The following BLTP3B variants were observed in gnomAD, a reference collection of about 807,000 sequenced individuals.
The protein encoded by BLTP3B is UHRF1 (ICBP90) binding protein 1-like.
chr12:100,138,426 A>C, the BLTP3B span, among the ~76,000 whole-genome samples: 352 of 152,346 alleles, frequency 2.3e-3, 8 homozygotes, highest in East Asian at 0.04. Context: ...TCAATCTCGG[A>C]ACTACTGACA....
chr12:100,131,442 AAAG>A, the BLTP3B span, among the ~76,000 whole-genome samples: 1 of 152,050 alleles, frequency 6.6e-6, no homozygotes, highest in Non-Finnish European at 1.5e-5. Context: ...GTAGTGGTAA[AAAG>A]AAGCCAGATC....
chr12:100,101,738 A>G, the BLTP3B span, among the ~76,000 whole-genome samples: 1 of 152,218 alleles, frequency 6.6e-6, no homozygotes, highest in Non-Finnish European at 1.5e-5. Flanking sequence ...AACCTGTGGA[A>G]AGCAAAAACA....
At chr12:100,042,201 C>A in the BLTP3B span, among the ~76,000 whole-genome samples, 1 of 152,132 alleles carries the variant, frequency 6.6e-6, no homozygotes, top group Non-Finnish European at 1.5e-5. Context: ...TTAACACAAT[C>A]CCTATCAGAA....
At chr12:100,057,541 A>C in the BLTP3B span, 1 of 1,579,908 alleles carries the variant, frequency 6.3e-7, no homozygotes, top group Non-Finnish European at 8.6e-7. Flanking sequence ...TGTACGTAAT[A>C]TGAATTCTTA....
the BLTP3B span, among the ~76,000 whole-genome samples, chr12:100,057,338 G>A: frequency 6.6e-6 from 1 of 152,020 alleles, no homozygotes; most frequent in African/African-American, 2.4e-5. Flanking sequence ...GTATAAATAA[G>A]TCTTTTTGGG....
At chr12:100,095,062 C>T in the BLTP3B span, among the ~76,000 whole-genome samples, 2 of 152,312 alleles carry the variant, frequency 1.3e-5, no homozygotes, top group South Asian at 2.1e-4. Flanking sequence ...TCCATTATAA[C>T]TATCACTGTC....
At chr12:100,104,391 A>T in the BLTP3B span, among the ~76,000 whole-genome samples, 2 of 151,584 alleles carry the variant, frequency 1.3e-5, no homozygotes, top group Non-Finnish European at 2.9e-5. Flanking sequence ...TTTAGTAGAG[A>T]CAGTGTTTTG....
At chr12:100,086,373 G>T in the BLTP3B span, 5 of 218,810 alleles carry the variant, frequency 2.3e-5, no homozygotes, top group African/African-American at 1.4e-4. Flanking sequence ...GAAAAAAAAA[G>T]GGGGGGGGGG....
the BLTP3B span, among the ~76,000 whole-genome samples, chr12:100,078,243 ACTCT>A: frequency 6.6e-6 from 1 of 151,078 alleles, no homozygotes. Context: ...TCCCTGCGCC[ACTCT>A]CTGTCTTGCT....
At chr12:100,041,071 A>G in the BLTP3B span, among the ~76,000 whole-genome samples, 1 of 152,264 alleles carries the variant, frequency 6.6e-6, no homozygotes, top group South Asian at 2.1e-4. Context: ...ACAAAATGTT[A>G]GTAAACTGAA....
chr12:100,038,709 T>G, the BLTP3B span, among the ~76,000 whole-genome samples: 1 of 152,146 alleles, frequency 6.6e-6, no homozygotes, highest in Admixed American at 6.5e-5. Context: ...TTTTATCCTC[T>G]TAGAGCCATT....
At chr12:100,058,462 T>A in the BLTP3B span, 6 of 1,613,394 alleles carry the variant, frequency 3.7e-6, no homozygotes, top group Admixed American at 1.7e-5. Context: ...GGGATATGGC[T>A]AAGGTCAACA....
the BLTP3B span, among the ~76,000 whole-genome samples, chr12:100,118,225 C>T: frequency 6.6e-6 from 1 of 151,934 alleles, no homozygotes; most frequent in Non-Finnish European, 1.5e-5. Context: ...GCTTATGCCT[C>T]TCCAAAAAAA....
chr12:100,047,178 G>A, the BLTP3B span, among the ~76,000 whole-genome samples: 3 of 152,100 alleles, frequency 2.0e-5, no homozygotes, highest in East Asian at 1.9e-4. Context: ...ATTTAACTTC[G>A]AAATTTGAGT....
chr12:100,058,895 GA>G, the BLTP3B span: 1 of 1,613,818 alleles, frequency 6.2e-7, no homozygotes. Flanking sequence ...GGGAAAATCT[GA>G]AAAATGTATC....
chr12:100,129,316 G>A, the BLTP3B span, among the ~76,000 whole-genome samples: 4 of 152,040 alleles, frequency 2.6e-5, no homozygotes, highest in South Asian at 2.1e-4. Flanking sequence ...TAAATTTTCC[G>A]GATATGATTC....
At chr12:100,097,472 T>C in the BLTP3B span, 2 of 1,612,430 alleles carry the variant, frequency 1.2e-6, no homozygotes, top group African/African-American at 2.7e-5. Context: ...TCTATTCTTA[T>C]CATCTGCCAA....
At chr12:100,121,470 A>T in the BLTP3B span, among the ~76,000 whole-genome samples, 1 of 152,166 alleles carries the variant, frequency 6.6e-6, no homozygotes, top group African/African-American at 2.4e-5. Context: ...AGCATGAGGA[A>T]ACTTTTGAGG....
the BLTP3B span, among the ~76,000 whole-genome samples, chr12:100,110,173 A>C: frequency 2.0e-5 from 3 of 152,220 alleles, no homozygotes; most frequent in Non-Finnish European, 4.4e-5. Context: ...ATAAAGCAAC[A>C]TTATATACTG....
Sources: gnomAD v4.1 joint callset for allele counts (sites outside exome capture counted in the v4.1 genomes callset) on GRCh38, gnomAD v4.1.1 for gene constraint, MANE v1.5 for transcripts, NCBI Gene and HGNC (gene_info 2026-07-23, HGNC 2026-07-21) for gene names.